STS: variants seen among roughly 807,000 people sequenced by gnomAD.
The protein encoded by STS is steroid sulfatase, also known as steryl-sulfatase.
Under a neutral mutation model 26.8 loss-of-function variants are expected in STS, and 7 were observed. That is an observed-to-expected ratio of 0.26 (90% CI 0.15 to 0.49). STS has a LOEUF of 0.49. STS is among the 20% of genes least tolerant of loss of function. The probability of loss-of-function intolerance (pLI) is 0.98; values close to 1 mark genes in which losing one functional copy is unlikely to be tolerated. For synonymous variants in STS, 199 were observed against 189.4 expected (o/e 1.05, Z -0.42); for missense variants, 434 against 465.6 (o/e 0.93, Z 0.63).
chrX:7,259,177 C>T (rs763384534), intron 5 of STS, among the ~76,000 whole-genome samples, 172 bp from the exon 6 acceptor site: 2 of 110,973 alleles, frequency 1.8e-5, no homozygotes, highest in South Asian at 7.6e-4. Flanking sequence ...GTAGGTAATA[C>T]CTTAGCGTTT....
chrX:7,314,627 G>A (rs1926630921), intron 8 of STS, among the ~76,000 whole-genome samples: 1 of 113,168 alleles, frequency 8.8e-6, no homozygotes, highest in Non-Finnish European at 1.9e-5. Context: ...TTGACAAAAT[G>A]TATGACCTTA....
At chrX:7,205,498 T>C (rs1934197125) in intron 2 of STS, among the ~76,000 whole-genome samples, 1 of 111,918 alleles carries the variant, frequency 8.9e-6, no homozygotes, top group Non-Finnish European at 1.9e-5. Flanking sequence ...GCACTCAGTG[T>C]ATTCACTGAC....
chrX:7,288,278 T>A (rs1443363494), intron 7 of STS, among the ~76,000 whole-genome samples: 3 of 109,103 alleles, frequency 2.7e-5, no homozygotes. Flanking sequence ...CTTTTCTTAC[T>A]CCCCTACAAA....
chrX:7,164,403 T>G (rs1292435156), intron 1 of STS, among the ~76,000 whole-genome samples: 1 of 111,438 alleles, frequency 9.0e-6, no homozygotes, highest in African/African-American at 3.3e-5. Context: ...CTGTGTGTCC[T>G]CGGATGCAGC....
chrX:7,341,798 T>C (rs1302363761), intron 10 of STS, among the ~76,000 whole-genome samples: 1 of 110,858 alleles, frequency 9.0e-6, no homozygotes, highest in Admixed American at 9.6e-5. Flanking sequence ...ATCTCTTTTT[T>C]TTTTTAAATT....
At chrX:7,158,388 G>A (rs1933176028) in intron 1 of STS, among the ~76,000 whole-genome samples, 1 of 112,055 alleles carries the variant, frequency 8.9e-6, no homozygotes, top group East Asian at 2.8e-4. Flanking sequence ...GCAGAGAGGC[G>A]CCACTTGAAA....
At chrX:7,266,392 G>A (rs751615220) in intron 6 of STS, among the ~76,000 whole-genome samples, 1 of 111,932 alleles carries the variant, frequency 8.9e-6, no homozygotes, top group African/African-American at 3.2e-5. Flanking sequence ...ATTGGTTTGT[G>A]ATTCTTGCAA....
Position 7,148,495 on chromosome X carries a change from G to A in STS, c.-134+412G>A, listed in dbSNP as rs770764036. Among the ~76,000 whole-genome samples the A allele has an allele frequency of 8.0e-5, 9 of 113,084 alleles. No individual in the cohort carries two copies. The East Asian group carries it at 2.5e-3, about 32-fold the overall frequency. ...GAGTTTGGATCAGGGGTGTGAATGA[G>A]GAAGGAGGGACAGTACAAGGGGCTG... On this transcript the variant is annotated intron_variant, in intron 1 of 10. Coordinates refer to ENST00000674429, the MANE Select transcript of STS (RefSeq NM_001320752.2).
At chrX:7,216,075 G>A (rs1301023589) in intron 2 of STS, among the ~76,000 whole-genome samples, 1 of 111,878 alleles carries the variant, frequency 8.9e-6, no homozygotes, top group African/African-American at 3.2e-5. Flanking sequence ...ATTGGAATGT[G>A]TTGCTCCTCC....
chrX:7,165,116 G>A (rs1273234306), intron 1 of STS, among the ~76,000 whole-genome samples: 1 of 108,659 alleles, frequency 9.2e-6, no homozygotes, highest in Non-Finnish European at 1.9e-5. Context: ...TGAAGTATGG[G>A]TACATCTGGG....
chrX:7,338,646 A>G (rs1928142463), intron 10 of STS, among the ~76,000 whole-genome samples: 1 of 111,668 alleles, frequency 9.0e-6, no homozygotes, highest in Non-Finnish European at 1.9e-5. Flanking sequence ...CTGGCTCCAT[A>G]TTCTATTCAA....
intron 7 of STS, among the ~76,000 whole-genome samples, chrX:7,287,614 T>A (rs1008543599): frequency 1.9e-4 from 21 of 111,418 alleles, no homozygotes; most frequent in African/African-American, 6.8e-4. Context: ...TAGACTACAA[T>A]TTGTTTAATC....
intron 1 of STS, among the ~76,000 whole-genome samples, chrX:7,190,449 C>T (rs969127849): frequency 9.9e-5 from 11 of 111,089 alleles, no homozygotes; most frequent in Non-Finnish European, 2.1e-4. Context: ...CAGTGTGATT[C>T]CTAAGAGGCC....
chrX:7,317,022 A>G (rs1435218902), intron 8 of STS, among the ~76,000 whole-genome samples: 1 of 112,268 alleles, frequency 8.9e-6, no homozygotes, highest in African/African-American at 3.2e-5. Flanking sequence ...AGCATTCAGA[A>G]GGACAAAAAT....
At chrX:7,284,919 T>TTGATGG (rs747294007) in intron 7 of STS, among the ~76,000 whole-genome samples, 23 of 111,157 alleles carry the variant, frequency 2.1e-4, no homozygotes, top group Non-Finnish European at 3.8e-4. Context: ...TGGTGTTGTG[T>TTGATGG]TGATGGTGAT....
rs1468138264 is a variant in STS, at chrX:7,250,403, T to TA, written c.-4-2781dup. Reference sequence around the variant, plus strand: ...AAGACCATAGTCTTAAACCATGCTTTAAAAAAAAAAAAGAAAGAAAGAAAG... The same window carrying TA: ...AAGACCATAGTCTTAAACCATGCTTTAAAAAAAAAAAAAGAAAGAAAGAAAG... On this transcript the variant is annotated intron_variant, in intron 2 of 10. Coordinates refer to ENST00000674429, the MANE Select transcript of STS (RefSeq NM_001320752.2). Among the ~76,000 whole-genome samples the TA allele has an allele frequency of 1.3e-3, 128 of 102,397 alleles. 3 individuals carry two copies. Among genetic ancestry groups the TA allele is most frequent in the East Asian group, 8.7e-3 (29 of 3,317 alleles). 88.9% of individuals were successfully genotyped at this position (102,397 alleles called of 115,157 possible). A position where few individuals can be genotyped will look rare whatever the true frequency, so the allele number is the denominator to read the frequency against.
chrX:7,253,463 G>A, intron 3 of STS, 127 bp downstream of exon 3: 1 of 929,869 alleles, frequency 1.1e-6, no homozygotes, highest in African/African-American at 1.9e-5. Context: ...ACCATGCCTG[G>A]CTTCATGTAG....
chrX:7,212,030 T>TTG (rs1340225529), intron 2 of STS, among the ~76,000 whole-genome samples: 9 of 112,390 alleles, frequency 8.0e-5, no homozygotes, highest in African/African-American at 2.6e-4. Flanking sequence ...CTTTGCAGCC[T>TTG]GTCCATTTGG....
intron 2 of STS, among the ~76,000 whole-genome samples, chrX:7,238,121 G>GGTGTGTGTGT (rs55819541): frequency 3.4e-4 from 30 of 88,533 alleles, no homozygotes; most frequent in African/African-American, 4.3e-4. Flanking sequence ...AGTATTCCAT[G>GGTGTGTGTGT]GTGTGTGTGT....
Sources: allele counts gnomAD v4.1 joint callset (sites outside exome capture counted in the v4.1 genomes callset), GRCh38; gene constraint gnomAD v4.1.1; transcripts MANE v1.5; gene names NCBI Gene and HGNC (gene_info 2026-07-23, HGNC 2026-07-21).